PCTP: variants seen among roughly 807,000 people sequenced by gnomAD.
PCTP encodes phosphatidylcholine transfer protein.
A neutral mutation model predicts 31.0 loss-of-function variants in PCTP; 27 were observed. That is an observed-to-expected ratio of 0.87 (90% CI 0.64 to 1.20). The LOEUF is 1.20. PCTP is among the 50% of genes most tolerant of loss of function. The pLI, the probability that PCTP is intolerant of heterozygous loss-of-function variation, is 0.00. For missense variants in PCTP, 287 were observed against 268.2 expected (o/e 1.07, Z -0.49); for synonymous variants, 108 against 101.2 (o/e 1.07, Z -0.40).
downstream of PCTP, among the ~76,000 whole-genome samples, chr17:55,827,340 C>CCATCCTGGTGG: frequency 6.6e-6 from 1 of 152,214 alleles, no homozygotes; most frequent in Admixed American, 6.5e-5. Flanking sequence ...CAACCACCAG[C>CCATCCTGGTGG]TAATGCCATC....
chr17:55,758,123 G>A (rs545542258), intron 1 of PCTP, among the ~76,000 whole-genome samples: 4 of 152,308 alleles, frequency 2.6e-5, no homozygotes, highest in East Asian at 3.9e-4. Context: ...GTGCGCAGAG[G>A]CTCACAGCTT....
intron 3 of PCTP, among the ~76,000 whole-genome samples, chr17:55,814,884 G>A (rs1165110907): frequency 6.6e-6 from 1 of 152,218 alleles, no homozygotes; most frequent in African/African-American, 2.4e-5. Context: ...GACAAGCGGA[G>A]TTTGGGGCTC....
intron 3 of PCTP, among the ~76,000 whole-genome samples, chr17:55,804,982 A>G (rs62078587): frequency 0.14 from 21,266 of 152,194 alleles, 1,550 homozygotes; most frequent in Middle Eastern, 0.19. Context: ...TCAATTCACC[A>G]GAAAGGTAGA....
chr17:55,845,138 G>A (rs1906106079), downstream of PCTP, among the ~76,000 whole-genome samples: 1 of 137,580 alleles, frequency 7.3e-6, no homozygotes, highest in South Asian at 2.5e-4. Context: ...TTTTAGCACA[G>A]CTTCTGACGT....
chr17:55,850,647 A>G, the PCTP span, among the ~76,000 whole-genome samples: 1 of 152,192 alleles, frequency 6.6e-6, no homozygotes, highest in Admixed American at 6.5e-5. Flanking sequence ...TTATGGGATG[A>G]TGATTCTGTC....
intron 1 of PCTP, among the ~76,000 whole-genome samples, chr17:55,762,412 T>C (rs1369643317): frequency 6.6e-6 from 1 of 151,866 alleles, no homozygotes; most frequent in Admixed American, 6.6e-5. Context: ...GGAAGGGTAG[T>C]GGATCTTCAC....
intron 3 of PCTP, among the ~76,000 whole-genome samples, chr17:55,822,426 T>A (rs927388953): frequency 1.3e-5 from 2 of 152,178 alleles, no homozygotes; most frequent in African/African-American, 4.8e-5. Context: ...GAGCCTACAA[T>A]AATCCAAACC....
At chr17:55,792,615 G>T (rs1009046943) in intron 3 of PCTP, among the ~76,000 whole-genome samples, 2 of 152,054 alleles carry the variant, frequency 1.3e-5, no homozygotes, top group Non-Finnish European at 2.9e-5. Context: ...GAGATAATTC[G>T]TGGATACCTG....
At chr17:55,778,332 T>C (rs1380107289), downstream of PCTP, among the ~76,000 whole-genome samples, 2 of 152,216 alleles carry the variant, frequency 1.3e-5, no homozygotes, top group African/African-American at 2.4e-5. Context: ...TTGTAAGTTA[T>C]ATTGTCATTC....
chr17:55,761,907 A>C (rs1910359440), intron 1 of PCTP, among the ~76,000 whole-genome samples: 1 of 152,170 alleles, frequency 6.6e-6, no homozygotes, highest in Non-Finnish European at 1.5e-5. Context: ...CCTTGATGTC[A>C]GATTTTTAAA....
chr17:55,788,617 A>T (rs1200868612), intron 3 of PCTP, among the ~76,000 whole-genome samples: 1 of 152,144 alleles, frequency 6.6e-6, no homozygotes, highest in Non-Finnish European at 1.5e-5. Context: ...ATTGCTAGTG[A>T]TTATATAGTC....
At chr17:55,805,121 A>C (rs1292094723) in intron 3 of PCTP, among the ~76,000 whole-genome samples, 1 of 152,172 alleles carries the variant, frequency 6.6e-6, no homozygotes, top group Non-Finnish European at 1.5e-5. Context: ...TGCTTTAAGC[A>C]ACTGAATTTG....
At chr17:55,772,263 G>A (rs113175446) in intron 3 of PCTP, among the ~76,000 whole-genome samples, 2,388 of 151,368 alleles carry the variant, frequency 0.016, 41 homozygotes, top group South Asian at 0.061. Flanking sequence ...TGTCCAATGT[G>A]AGGGTGGGGC....
chr17:55,829,212 G>GAA (rs72543089), intron 5 of PCTP, among the ~76,000 whole-genome samples: 1,408 of 139,370 alleles, frequency 0.01, 16 homozygotes, highest in African/African-American at 0.03. Flanking sequence ...GCCAATATGT[G>GAA]AAAAAAAAAA....
intron 3 of PCTP, among the ~76,000 whole-genome samples, chr17:55,789,336 C>T (rs933301322): frequency 6.6e-6 from 1 of 152,180 alleles, no homozygotes; most frequent in Non-Finnish European, 1.5e-5. Context: ...AATATGGTAT[C>T]AGAAGATATG....
In PCTP at chr17:55,775,577, G is replaced by A. The variant is rs533972315; in HGVS notation, c.580-458G>A. 4.2e-5 allele frequency: 49 copies of A among 1,158,430 alleles called. No individual in the cohort carries two copies. In the South Asian group the frequency reaches 1.6e-3, roughly 37 times the overall value. The allele number at this position is 1,158,430 out of a possible 1,614,324, so 71.8% of individuals were successfully genotyped here. ...AGATGTCTTCTACTGCATAGAGGGG[G>A]AGTAAATAAGACAATATTTAGGAAA... On this transcript the variant is annotated intron_variant, in intron 5 of 5. Coordinates refer to ENST00000268896, the MANE Select transcript of PCTP (RefSeq NM_021213.4).
intron 5 of PCTP, among the ~76,000 whole-genome samples, chr17:55,833,057 G>T (rs935121199): frequency 5.3e-5 from 8 of 152,206 alleles, no homozygotes; most frequent in African/African-American, 1.9e-4. Flanking sequence ...GTCCTTCAGA[G>T]GGGTGTGGAC....
At chr17:55,765,923 A>G (rs1053875354) in intron 1 of PCTP, among the ~76,000 whole-genome samples, 3 of 152,138 alleles carry the variant, frequency 2.0e-5, no homozygotes, top group African/African-American at 7.2e-5. Flanking sequence ...TCTACCAGGA[A>G]CGGGCTTTTC....
intron 2 of PCTP, chr17:55,768,978 T>A (rs1910836193): frequency 6.6e-6 from 1 of 152,208 alleles, no homozygotes; most frequent in Non-Finnish European, 1.5e-5. Context: ...AGTTTATTAG[T>A]TCATGGCATT....
Sources: allele counts gnomAD v4.1 joint callset (sites outside exome capture counted in the v4.1 genomes callset), GRCh38; gene constraint gnomAD v4.1.1; transcripts MANE v1.5; gene names NCBI Gene and HGNC (gene_info 2026-07-23, HGNC 2026-07-21).